Variants in LRRC4C observed in about 807,000 individuals in gnomAD.
LRRC4C encodes leucine rich repeat containing 4C.
Under a neutral mutation model 33.6 loss-of-function variants are expected in LRRC4C, and 5 were observed. That is an observed-to-expected ratio of 0.15 (90% CI 0.08 to 0.31). The LOEUF is 0.31. LRRC4C is among the 10% of genes least tolerant of loss of function. The pLI is 1.00. For missense variants in LRRC4C, 560 were observed against 796.7 expected (o/e 0.70, Z 3.58); for synonymous variants, 329 against 302.0 (o/e 1.09, Z -0.93).
At chr11:41,263,030 G>T (rs534181184) in intron 1 of LRRC4C, among the ~76,000 whole-genome samples, 2 of 152,036 alleles carry the variant, frequency 1.3e-5, no homozygotes, top group Admixed American at 6.6e-5. Flanking sequence ...AAACGACAAC[G>T]ACAACAAGCT....
chr11:40,419,976 TAC>T, intron 3 of LRRC4C, among the ~76,000 whole-genome samples: 1 of 152,204 alleles, frequency 6.6e-6, no homozygotes, highest in Non-Finnish European at 1.5e-5. Flanking sequence ...AGGTGAATTT[TAC>T]TTATTAACTA....
intron 1 of LRRC4C, among the ~76,000 whole-genome samples, chr11:41,072,501 CA>C (rs1454972610): frequency 6.6e-6 from 1 of 151,940 alleles, no homozygotes; most frequent in Non-Finnish European, 1.5e-5. Context: ...TAGTCTATAG[CA>C]CTTCCCTTAC....
At chr11:41,186,237 G>A (rs1486580709) in intron 1 of LRRC4C, among the ~76,000 whole-genome samples, 3 of 152,110 alleles carry the variant, frequency 2.0e-5, no homozygotes, top group Admixed American at 6.6e-5. Context: ...ACTAAGTTTA[G>A]CATCAGCACA....
intron 1 of LRRC4C, among the ~76,000 whole-genome samples, chr11:41,346,928 T>TGCC (rs1177381555): frequency 6.6e-6 from 1 of 152,232 alleles, no homozygotes; most frequent in East Asian, 1.9e-4. Context: ...CCAGAATTTA[T>TGCC]AGTAAATGCC....
At chr11:41,087,061 G>A (rs1318126718) in intron 1 of LRRC4C, among the ~76,000 whole-genome samples, 3 of 152,110 alleles carry the variant, frequency 2.0e-5, no homozygotes, top group Admixed American at 6.6e-5. Flanking sequence ...TTGTAAACAT[G>A]AACATGGAAT....
At chr11:41,300,484 C>G (rs1489336687) in intron 1 of LRRC4C, among the ~76,000 whole-genome samples, 1 of 152,148 alleles carries the variant, frequency 6.6e-6, no homozygotes, top group Non-Finnish European at 1.5e-5. Context: ...CTCACAGATT[C>G]TACCACAGGT....
At chr11:41,205,012 T>A (rs1477261230) in intron 1 of LRRC4C, among the ~76,000 whole-genome samples, 1 of 152,128 alleles carries the variant, frequency 6.6e-6, no homozygotes, top group Admixed American at 6.6e-5. Context: ...CTAAAAAGGA[T>A]CACCAACCCT....
At chr11:41,102,354 T>C (rs187524055) in intron 1 of LRRC4C, among the ~76,000 whole-genome samples, 1 of 152,210 alleles carries the variant, frequency 6.6e-6, no homozygotes, top group Admixed American at 6.5e-5. Context: ...TCTTGTCTGG[T>C]GGCTTAATTT....
chr11:41,022,784 CT>C (rs1406780365), intron 1 of LRRC4C, among the ~76,000 whole-genome samples: 1 of 151,994 alleles, frequency 6.6e-6, no homozygotes, highest in East Asian at 1.9e-4. Flanking sequence ...AGAAATGCAA[CT>C]TTTCCCCCAT....
chr11:40,810,795 CAATT>C (rs1439443351), intron 2 of LRRC4C, among the ~76,000 whole-genome samples: 1 of 152,166 alleles, frequency 6.6e-6, no homozygotes, highest in Non-Finnish European at 1.5e-5. Flanking sequence ...CAACTTTCGT[CAATT>C]CCATTGTCAC....
chr11:40,673,937 A>G (rs1390153999), intron 2 of LRRC4C, among the ~76,000 whole-genome samples: 2 of 152,200 alleles, frequency 1.3e-5, no homozygotes, highest in Non-Finnish European at 2.9e-5. Flanking sequence ...TTCATGAACC[A>G]TCGCTTTCTT....
In LRRC4C at chr11:40,836,719, A is replaced by T. The variant is rs76818242; in HGVS notation, c.-407+96916T>A. Among the ~76,000 whole-genome samples, 711 of 152,284 alleles carry T rather than the reference A, an allele frequency of 4.7e-3. 3 individuals carry two copies. The highest frequency in any genetic ancestry group is 0.016 in the African/African-American group (675 of 41,566). On this transcript the variant is annotated intron_variant, in intron 2 of 6. Transcript: ENST00000528697. ...TTACTTTGCTAGATGTCCTACAGCAAGTTATTTAATCTCTCTGAGCTTTAC... is the reference window on the plus strand; with the variant it reads ...TTACTTTGCTAGATGTCCTACAGCATGTTATTTAATCTCTCTGAGCTTTAC...
chr11:40,619,249 CTTTAT>C (rs1377205262), intron 3 of LRRC4C, among the ~76,000 whole-genome samples: 3 of 151,622 alleles, frequency 2.0e-5, no homozygotes, highest in Non-Finnish European at 4.4e-5. Flanking sequence ...TCAATAATAA[CTTTAT>C]TTTATATTTT....
chr11:40,943,517 G>A (rs763105785), intron 1 of LRRC4C, among the ~76,000 whole-genome samples: 1 of 152,196 alleles, frequency 6.6e-6, no homozygotes, highest in Non-Finnish European at 1.5e-5. Context: ...ATACTTTAAA[G>A]CAGAGTAAGG....
In LRRC4C at chr11:40,715,093, A is replaced by G. The variant is rs141600996; in HGVS notation, c.-406-66815T>C. Among the ~76,000 whole-genome samples, 86 of 152,316 alleles carry G rather than the reference A, an allele frequency of 5.6e-4. No individual in the cohort carries two copies. In the Middle Eastern group the frequency reaches 0.01, roughly 18 times the overall value. On this transcript the variant is annotated intron_variant, in intron 2 of 6. Coordinates refer to ENST00000528697, the MANE Select transcript of LRRC4C (RefSeq NM_001258419.2). Reference sequence around the variant, plus strand: ...GAAAATGAATAACTTCACCTGTAATAAAATCCAGATAATTTATTTATCAAA... The same window carrying G: ...GAAAATGAATAACTTCACCTGTAATGAAATCCAGATAATTTATTTATCAAA...
At position 41,259,932 on chromosome 11, in the gene LRRC4C, T is replaced by C. The variant is rs533638010; in HGVS notation, c.-496+199499A>G. On this transcript the variant is annotated intron_variant, in intron 1 of 6. Transcript: ENST00000528697. ...TCCAATTCCCTGCGTTCTGTTAATA[T>C]GCCATTTTTAATCTAGTGAATTTTT... Among the ~76,000 whole-genome samples the C allele has an allele frequency of 1.8e-4, 27 of 152,158 alleles. 1 individual carries two copies. In the South Asian group the frequency reaches 4.1e-3, roughly 23 times the overall value.
At chr11:40,430,252 AG>A (rs1476748630) in intron 3 of LRRC4C, among the ~76,000 whole-genome samples, 6 of 138,694 alleles carry the variant, frequency 4.3e-5, no homozygotes, top group Admixed American at 1.4e-4. Context: ...AAGGAAGAAA[AG>A]TGCACGTATG....
chr11:40,590,386 T>G lies in LRRC4C; in HGVS notation c.-270+57756A>C, dbSNP rs1355138997. Among the ~76,000 whole-genome samples the G allele has an allele frequency of 3.4e-5, 5 of 145,918 alleles. No individual in the cohort carries two copies. In the South Asian group the frequency reaches 6.9e-4, roughly 20 times the overall value. ...TTCTACTTATACATTCTTCTAAATT[T>G]TTTTCAAAGTTTTCAACTTCTTTGC... On this transcript the variant is annotated intron_variant, in intron 3 of 6. Transcript: ENST00000528697.
At chr11:40,783,560 C>G (rs977245265) in intron 2 of LRRC4C, among the ~76,000 whole-genome samples, 1 of 152,110 alleles carries the variant, frequency 6.6e-6, no homozygotes, top group Non-Finnish European at 1.5e-5. Context: ...CTACCCACCA[C>G]CTCAGCCTCC....
Sources: gnomAD v4.1 joint callset for allele counts (sites outside exome capture counted in the v4.1 genomes callset) on GRCh38, gnomAD v4.1.1 for gene constraint, MANE v1.5 for transcripts, NCBI Gene and HGNC (gene_info 2026-07-23, HGNC 2026-07-21) for gene names.